The following CEP85L variants were observed in gnomAD, a reference collection of about 807,000 sequenced individuals.
CEP85L encodes centrosomal protein of 85 kDa-like.
In CEP85L, 60 loss-of-function variants were observed where a neutral mutation model predicts 100.3. The ratio of observed to expected loss-of-function variants is 0.60; its 90% CI spans 0.49 to 0.74. CEP85L has a LOEUF of 0.74. Ranked by LOEUF, CEP85L falls within the 30% of genes least tolerant of loss-of-function variation. The probability of loss-of-function intolerance (pLI) is 0.00; values close to 1 mark genes in which losing one functional copy is unlikely to be tolerated. For missense variants in CEP85L, 973 were observed against 936.2 expected, an observed-to-expected ratio of 1.04 and a Z score of -0.51; for synonymous variants, 319 against 322.7, an observed-to-expected ratio of 0.99 and a Z score of 0.12.
At chr6:118,514,448 C>G (rs1776145520) in intron 4 of CEP85L, among the ~76,000 whole-genome samples, 1 of 148,884 alleles carries the variant, frequency 6.7e-6, no homozygotes, top group African/African-American at 2.5e-5. Flanking sequence ...TGGCTTGAAC[C>G]TGGGAGGCAG....
upstream of CEP85L, among the ~76,000 whole-genome samples, chr6:118,654,520 G>A (rs1201574414): frequency 2.6e-5 from 4 of 152,170 alleles, no homozygotes; most frequent in Non-Finnish European, 5.9e-5. Flanking sequence ...TGTATATCAA[G>A]TGTGTATCAA....
intron 3 of CEP85L, among the ~76,000 whole-genome samples, chr6:118,539,684 C>T (rs1448402435): frequency 6.6e-6 from 1 of 151,992 alleles, no homozygotes; most frequent in African/African-American, 2.4e-5. Flanking sequence ...GTTTGCTGCA[C>T]CTATCAACCC....
At chr6:118,660,448 G>A (rs998061264) in intron 1 of CEP85L, among the ~76,000 whole-genome samples, 1 of 152,204 alleles carries the variant, frequency 6.6e-6, no homozygotes, top group Non-Finnish European at 1.5e-5. Flanking sequence ...CAGATAAGGG[G>A]CCATACTGTC....
intron 2 of CEP85L, among the ~76,000 whole-genome samples, chr6:118,626,447 T>C (rs1262204629): frequency 6.6e-6 from 1 of 152,182 alleles, no homozygotes; most frequent in Non-Finnish European, 1.5e-5. Context: ...TAAGATCCTC[T>C]TTTTCTTGCT....
chr6:118,566,262 G>T lies in CEP85L; in HGVS notation c.287C>A (p.Thr96Asn). The change falls in exon 3 of 13, where the codon ACT (threonine) becomes AAT (asparagine). Residue 96 changes from threonine to asparagine, a missense_variant. Coordinates refer to ENST00000368491, the MANE Select transcript of CEP85L (RefSeq NM_001042475.3). ...LSFKPSQSLI[T>N]LPTAHVMPSN... ...CGGCATCACATGGGCAGTAGGAAGA[G>T]TAATCAATGATTGACTAGGCTTAAA... 1 of 1,614,100 alleles carries T rather than the reference G, an allele frequency of 6.2e-7. No individual in the cohort carries two copies. The highest frequency in any genetic ancestry group is 8.5e-7 in the Non-Finnish European group (1 of 1,179,970).
intron 5 of CEP85L, among the ~76,000 whole-genome samples, chr6:118,494,743 T>C (rs1460191795): frequency 1.3e-5 from 2 of 152,190 alleles, no homozygotes; most frequent in African/African-American, 2.4e-5. Flanking sequence ...ACCACACTTA[T>C]TAAACCTTGG....
At chr6:118,496,205 T>C (rs1774907044) in intron 5 of CEP85L, among the ~76,000 whole-genome samples, 1 of 152,106 alleles carries the variant, frequency 6.6e-6, no homozygotes, top group Non-Finnish European at 1.5e-5. Context: ...TTTAGCAACA[T>C]TTTGCAGGAT....
upstream of CEP85L, among the ~76,000 whole-genome samples, chr6:118,653,316 A>C (rs907045333): frequency 3.3e-5 from 5 of 152,202 alleles, no homozygotes; most frequent in Non-Finnish European, 7.4e-5. Context: ...ACCAAATATG[A>C]AATTTTTGTG....
At chr6:118,597,835 G>A (rs1311114445) in intron 2 of CEP85L, among the ~76,000 whole-genome samples, 4 of 152,118 alleles carry the variant, frequency 2.6e-5, no homozygotes, top group Admixed American at 2.6e-4. Context: ...TACCGTGTGG[G>A]GCCTAGTCTG....
intron 2 of CEP85L, among the ~76,000 whole-genome samples, chr6:118,600,300 G>GGTGGGTGTGT (rs1781684348): frequency 3.8e-5 from 2 of 52,246 alleles, no homozygotes; most frequent in South Asian, 7.0e-4. Context: ...CCTTCCTGGG[G>GGTGGGTGTGT]GTGTGTGTGT....
chr6:118,558,681 AGAGAGAGG>A (rs1434947802), intron 3 of CEP85L: 1 of 532,002 alleles, frequency 1.9e-6, no homozygotes, highest in Admixed American at 3.1e-5. Flanking sequence ...AGAGAGAGAG[AGAGAGAGG>A]GAGAGAGACT....
At chr6:118,653,797 G>T (rs1162799036), upstream of CEP85L, among the ~76,000 whole-genome samples, 1 of 151,568 alleles carries the variant, frequency 6.6e-6, no homozygotes, top group Non-Finnish European at 1.5e-5. Flanking sequence ...TTGCTCAGAT[G>T]AAATTAGGAT....
chr6:118,598,891 C>T (rs1455028928), intron 2 of CEP85L, among the ~76,000 whole-genome samples: 2 of 152,038 alleles, frequency 1.3e-5, no homozygotes, highest in Non-Finnish European at 2.9e-5. Context: ...TGGTGGGAGG[C>T]TTCTAACTGT....
At chr6:118,498,654 AAAGG>A in intron 5 of CEP85L, among the ~76,000 whole-genome samples, 1 of 150,528 alleles carries the variant, frequency 6.6e-6, no homozygotes, top group East Asian at 2.0e-4. Flanking sequence ...GAAAGGGAGG[AAAGG>A]GAGGGAGGGA....
intron 6 of CEP85L, among the ~76,000 whole-genome samples, chr6:118,485,934 C>T (rs1177768114): frequency 6.6e-6 from 1 of 152,182 alleles, no homozygotes; most frequent in Non-Finnish European, 1.5e-5. Flanking sequence ...AATGATGCCT[C>T]AAAAAGCAAT....
intron 4 of CEP85L, among the ~76,000 whole-genome samples, chr6:118,516,634 T>A (rs577141355): frequency 6.6e-6 from 1 of 152,346 alleles, no homozygotes; most frequent in South Asian, 2.1e-4. Context: ...TTATTGTAGA[T>A]TCTGGATATC....
intron 1 of CEP85L, among the ~76,000 whole-genome samples, chr6:118,644,421 T>A (rs1001491970): frequency 6.6e-6 from 1 of 152,100 alleles, no homozygotes; most frequent in Non-Finnish European, 1.5e-5. Flanking sequence ...TATAACCAAG[T>A]AATTCTCAAA....
chr6:118,552,958 T>C lies in CEP85L; in HGVS notation c.1020+12571A>G, dbSNP rs963938937. ...GAAGACAATTTGATTTTAAAATTCA[T>C]CTATAAATGAATACCACTCTTGTGT... On this transcript the variant is annotated intron_variant, in intron 3 of 12. Transcript: ENST00000368491. 5.3e-5 allele frequency among the ~76,000 whole-genome samples: 8 copies of C among 152,158 alleles called. No homozygotes were observed. In the East Asian group the frequency reaches 1.5e-3, roughly 29 times the overall value.
rs188733452 is a variant in CEP85L at position 118,524,172 on chromosome 6, A to G, written c.1021-252T>C. ...TCCTGGCAAATTATAAAACTATATA[A>G]GATCTTGGCCAGGCGCGGTGGCTCA... On this transcript the variant is annotated intron_variant, in intron 3 of 12. Coordinates refer to ENST00000368491, the MANE Select transcript of CEP85L (RefSeq NM_001042475.3). Among the ~76,000 whole-genome samples, 514 of 152,292 alleles carry G rather than the reference A, an allele frequency of 3.4e-3. 5 individuals are homozygous for G. Among genetic ancestry groups the G allele is most frequent in the African/African-American group, 0.012 (497 of 41,560 alleles).
Sources: gnomAD v4.1 joint callset for allele counts (sites outside exome capture counted in the v4.1 genomes callset) on GRCh38, gnomAD v4.1.1 for gene constraint, MANE v1.5 for transcripts, NCBI Gene and HGNC (gene_info 2026-07-23, HGNC 2026-07-21) for gene names.